COL22A1: variants seen among roughly 807,000 people sequenced by gnomAD.
COL22A1 encodes collagen type XXII alpha 1 chain, also known as collagen alpha-1(XXII) chain.
COL22A1 carries 221 observed loss-of-function variants against 248.9 expected under a neutral mutation model. The observed-to-expected ratio is 0.89, with a 90% confidence interval of 0.80 to 0.99. The LOEUF is 0.99. Ranked by LOEUF, COL22A1 falls within the 50% of genes least tolerant of loss-of-function variation. The probability of loss-of-function intolerance (pLI) is 0.00; values close to 1 mark genes in which losing one functional copy is unlikely to be tolerated. For synonymous variants in COL22A1, 891 were observed against 793.4 expected (o/e 1.12, Z -2.07); for missense variants, 2,240 against 2,179.0 (o/e 1.03, Z -0.56).
intron 12 of COL22A1, among the ~76,000 whole-genome samples, chr8:138,781,756 CCAAT>C (rs776131568): frequency 5.3e-5 from 8 of 152,130 alleles, no homozygotes; most frequent in Non-Finnish European, 1.0e-4. Context: ...CCACTTGGTG[CCAAT>C]CAAAGGATCC....
intron 22 of COL22A1, among the ~76,000 whole-genome samples, chr8:138,739,753 A>G (rs1471338659): frequency 6.6e-6 from 1 of 152,200 alleles, no homozygotes. Flanking sequence ...GAAAAGTTAG[A>G]GAAAAGTGAT....
At chr8:138,652,071 C>A (rs1822787629) in intron 45 of COL22A1, among the ~76,000 whole-genome samples, 2 of 152,186 alleles carry the variant, frequency 1.3e-5, no homozygotes, top group South Asian at 4.1e-4. Context: ...GGTGAGATCA[C>A]CCCAATCTGC....
At chr8:138,642,677 C>T (rs1821819750) in intron 47 of COL22A1, among the ~76,000 whole-genome samples, 1 of 152,160 alleles carries the variant, frequency 6.6e-6, no homozygotes, top group African/African-American at 2.4e-5. Flanking sequence ...AGAAAACAGT[C>T]CATACTTAAT....
At chr8:138,774,415 C>CTTT (rs142280789) in intron 16 of COL22A1, among the ~76,000 whole-genome samples, 8 of 128,072 alleles carry the variant, frequency 6.2e-5, no homozygotes, top group South Asian at 2.6e-4. Context: ...CAAAAGCATT[C>CTTT]TTTTTTTTTT....
At chr8:138,884,323 G>A (rs1159203770) in intron 1 of COL22A1, among the ~76,000 whole-genome samples, 1 of 152,136 alleles carries the variant, frequency 6.6e-6, no homozygotes, top group African/African-American at 2.4e-5. Context: ...GCTGAGGCCA[G>A]GCCAACTTCA....
chr8:138,827,260 C>T, intron 5 of COL22A1: 1 of 164,052 alleles, frequency 6.1e-6, no homozygotes, highest in East Asian at 1.6e-4. Flanking sequence ...TTGAAATCTT[C>T]ACACCAAGGT....
chr8:138,776,127 G>T, intron 15 of COL22A1, 117 bp from the exon 16 acceptor site: 2 of 939,568 alleles, frequency 2.1e-6, no homozygotes, highest in South Asian at 1.4e-5. Context: ...GGCAGGGATG[G>T]TGATAGTGAG....
chr8:138,704,408 T>C (rs939745499), intron 30 of COL22A1, among the ~76,000 whole-genome samples: 5 of 152,204 alleles, frequency 3.3e-5, no homozygotes, highest in Admixed American at 3.3e-4. Flanking sequence ...TACAGCCAGA[T>C]GCCCCTCTGA....
At chr8:138,909,312 T>C (rs1815264187) in intron 1 of COL22A1, among the ~76,000 whole-genome samples, 2 of 152,222 alleles carry the variant, frequency 1.3e-5, no homozygotes, top group African/African-American at 4.8e-5. Flanking sequence ...TGAAGTTTTA[T>C]ACTCAATTTT....
At chr8:138,882,997 A>T in intron 2 of COL22A1, 85 bp downstream of exon 2, 1 of 1,218,006 alleles carries the variant, frequency 8.2e-7, no homozygotes, top group Non-Finnish European at 1.1e-6. Flanking sequence ...ACTCACTTGC[A>T]TGCACACACC....
chr8:138,828,331 T>C (rs934447643), intron 5 of COL22A1, among the ~76,000 whole-genome samples: 1 of 152,006 alleles, frequency 6.6e-6, no homozygotes, highest in African/African-American at 2.4e-5. Context: ...CCCCACCCAC[T>C]TGATGGCAGT....
rs561595229 is a variant in COL22A1, at chr8:138,594,095, G to C, written c.4537C>G (p.Arg1513Gly). The C allele has an allele frequency of 3.2e-6, 5 of 1,584,234 alleles. No individual in the cohort carries two copies. Among genetic ancestry groups the C allele is most frequent in the South Asian group, 2.3e-5 (2 of 87,484 alleles). Residue 1513 changes from arginine (R) to glycine (G), a missense_variant, in exon 63 of 65, where the codon CGG becomes GGG. Coordinates refer to ENST00000303045, the MANE Select transcript of COL22A1 (RefSeq NM_152888.3). ...CCTGGCTCCCCCATGGGGCCGGCCC[G>C]GCCTGGAAGCCCATCTTTTCCAGGG... ...GPPGKDGLPG[R>G]AGPMGEPGRP...
At chr8:138,901,474 C>T (rs1814564762) in intron 1 of COL22A1, among the ~76,000 whole-genome samples, 1 of 149,952 alleles carries the variant, frequency 6.7e-6, no homozygotes, top group Admixed American at 6.8e-5. Context: ...TCTGGTGATC[C>T]TCCCACCTCA....
intron 3 of COL22A1, among the ~76,000 whole-genome samples, chr8:138,861,336 G>T (rs1045167382): frequency 6.6e-6 from 1 of 152,194 alleles, no homozygotes; most frequent in African/African-American, 2.4e-5. Context: ...ACACAGCCTT[G>T]AACTTACAGA....
intron 56 of COL22A1, among the ~76,000 whole-genome samples, chr8:138,611,424 T>G (rs375574714): frequency 6.6e-6 from 1 of 152,154 alleles, no homozygotes; most frequent in South Asian, 2.1e-4. Flanking sequence ...CAGAATTGGA[T>G]GCAAAAGCCC....
At chr8:138,769,399 C>T (rs1351571477) in intron 16 of COL22A1, among the ~76,000 whole-genome samples, 1 of 152,206 alleles carries the variant, frequency 6.6e-6, no homozygotes, top group East Asian at 1.9e-4. Flanking sequence ...CAAAGGAATC[C>T]ATGCCCTCAC....
intron 15 of COL22A1, among the ~76,000 whole-genome samples, chr8:138,777,279 G>A (rs796453794): frequency 4.6e-5 from 7 of 152,190 alleles, no homozygotes; most frequent in African/African-American, 7.2e-5. Context: ...GCCACAAGAC[G>A]CCGTCCTAAA....
Position 138,813,037 on chromosome 8 carries a change from G to C in COL22A1, c.1246-18C>G. ...AGGTCAAACTGGAAAGGAAAGCAAG[G>C]AGAGAGGATAAGTTTTAGGGACTTT... On this transcript the variant is annotated intron_variant, in intron 7 of 64. Transcript: ENST00000303045. 2 of 1,606,192 alleles carry C rather than the reference G, an allele frequency of 1.2e-6. No individual in the cohort carries two copies. The highest frequency in any genetic ancestry group is 3.3e-5 in the Admixed American group (2 of 60,010).
intron 30 of COL22A1, among the ~76,000 whole-genome samples, chr8:138,713,069 G>T (rs186966224): frequency 1.5e-3 from 227 of 152,304 alleles, no homozygotes; most frequent in African/African-American, 5.1e-3. Context: ...GTATTTTAGA[G>T]CCCAACTGTC....
Sources: allele counts gnomAD v4.1 joint callset (sites outside exome capture counted in the v4.1 genomes callset), GRCh38; gene constraint gnomAD v4.1.1; transcripts MANE v1.5; gene names NCBI Gene and HGNC (gene_info 2026-07-23, HGNC 2026-07-21).